The following GPD2 variants were observed in gnomAD, a reference collection of about 807,000 sequenced individuals.
GPD2 encodes glycerol-3-phosphate dehydrogenase, mitochondrial.
In GPD2, 54 loss-of-function variants were observed where a neutral mutation model predicts 82.4. That is an observed-to-expected ratio of 0.66 (90% CI 0.53 to 0.82). The LOEUF (loss-of-function observed/expected upper bound fraction) is 0.82, where lower values mean the gene tolerates loss of function less well. Among genes scored for constraint, GPD2 ranks in the 40% least tolerant of loss-of-function variants. GPD2 has a pLI of 0.00. For synonymous variants in GPD2, 288 were observed against 306.1 expected, an observed-to-expected ratio of 0.94 and a Z score of 0.62; for missense variants, 748 against 896.2, an observed-to-expected ratio of 0.83 and a Z score of 2.11.
chr2:156,452,481 G>C (rs1015975755), intron 1 of GPD2, among the ~76,000 whole-genome samples: 2 of 152,238 alleles, frequency 1.3e-5, no homozygotes, highest in Non-Finnish European at 2.9e-5. Context: ...GCAGTGAGCC[G>C]AGATGGCAGC....
At chr2:156,418,402 A>G in the GPD2 span, among the ~76,000 whole-genome samples, 2 of 151,702 alleles carry the variant, frequency 1.3e-5, no homozygotes, top group Non-Finnish European at 2.9e-5. Context: ...AAAAAGAAAA[A>G]AGAGAGAGAG....
chr2:156,447,242 C>G (rs1204021937), intron 1 of GPD2, among the ~76,000 whole-genome samples: 1 of 152,174 alleles, frequency 6.6e-6, no homozygotes, highest in East Asian at 1.9e-4. Context: ...GCTGTTCTTC[C>G]TTAAAGTACT....
chr2:156,455,134 G>A (rs1032328687), intron 1 of GPD2, among the ~76,000 whole-genome samples: 1 of 152,116 alleles, frequency 6.6e-6, no homozygotes, highest in African/African-American at 2.4e-5. Context: ...TGTCCCCTCT[G>A]TAATGACTGT....
chr2:156,403,114 CAAAAA>C, the GPD2 span, among the ~76,000 whole-genome samples: 10 of 67,870 alleles, frequency 1.5e-4, no homozygotes, highest in South Asian at 2.2e-3. Flanking sequence ...GCCCCTGTCT[CAAAAA>C]AAAAAAAAAA....
At position 156,553,484 on chromosome 2, in the gene GPD2, C is replaced by A. The variant is rs113385440; in HGVS notation, c.971+2738C>A. Among the ~76,000 whole-genome samples, 9 of 152,106 alleles carry A rather than the reference C, an allele frequency of 5.9e-5. 1 individual carries two copies. Among genetic ancestry groups the A allele is most frequent in the African/African-American group, 1.9e-4 (8 of 41,506 alleles). On this transcript the variant is annotated intron_variant, in intron 8 of 16. Transcript: ENST00000438166. ...ATTCTTCAACTTACTGCCCAGCTAA[C>A]CCCTGTAGACAAAAATAAATAAATA...
At chr2:156,545,321 C>G (rs1401294699) in intron 6 of GPD2, among the ~76,000 whole-genome samples, 2 of 152,168 alleles carry the variant, frequency 1.3e-5, no homozygotes, top group Admixed American at 1.3e-4. Context: ...CTGTGACACT[C>G]TCAGTCTGAG....
At chr2:156,439,472 C>T (rs2105134559) in intron 1 of GPD2, among the ~76,000 whole-genome samples, 1 of 127,740 alleles carries the variant, frequency 7.8e-6, no homozygotes, top group Admixed American at 9.5e-5. Context: ...GTCCCAGCTA[C>T]TTAGGAGGCC....
At chr2:156,421,672 G>A in the GPD2 span, among the ~76,000 whole-genome samples, 2 of 152,062 alleles carry the variant, frequency 1.3e-5, no homozygotes, top group African/African-American at 4.8e-5. Context: ...CCCAAAATAT[G>A]TCTTGCCTTA....
chr2:156,513,780 G>T (rs978932932), intron 6 of GPD2, among the ~76,000 whole-genome samples: 1 of 152,166 alleles, frequency 6.6e-6, no homozygotes, highest in South Asian at 2.1e-4. Flanking sequence ...TTATGAATTT[G>T]GTCCCCACCC....
At chr2:156,460,786 A>C (rs1682961907) in intron 1 of GPD2, among the ~76,000 whole-genome samples, 1 of 152,214 alleles carries the variant, frequency 6.6e-6, no homozygotes, top group Admixed American at 6.5e-5. Flanking sequence ...ACTGAGTGAG[A>C]TGAACAGTCT....
chr2:156,558,147 G>A (rs1687030566), intron 9 of GPD2, among the ~76,000 whole-genome samples: 1 of 152,080 alleles, frequency 6.6e-6, no homozygotes, highest in South Asian at 2.1e-4. Context: ...CATTTTCCTT[G>A]GTGATTTATA....
At position 156,496,216 on chromosome 2, in the gene GPD2, G is replaced by A; in HGVS notation, c.274+1G>A. 2 of 1,600,084 alleles carry A rather than the reference G, an allele frequency of 1.2e-6. No homozygotes were observed. The highest frequency in any genetic ancestry group is 1.7e-6 in the Non-Finnish European group (2 of 1,168,066). ...TGTGCGCTAGATGCTGTCACCAGAG[G>A]TAAGTCTTTTTTTTTTTTATTTTAA... On this transcript the variant is annotated splice_donor_variant, in intron 3 of 16. Coordinates refer to ENST00000438166, the MANE Select transcript of GPD2 (RefSeq NM_000408.5). LOFTEE classifies it high-confidence loss of function.
chr2:156,404,311 G>A, the GPD2 span, among the ~76,000 whole-genome samples: 2 of 152,108 alleles, frequency 1.3e-5, no homozygotes, highest in African/African-American at 4.8e-5. Context: ...TTGAGCCTGG[G>A]AGTTTGAGGC....
At chr2:156,562,690 C>T (rs1455220531) in intron 9 of GPD2, among the ~76,000 whole-genome samples, 1 of 152,104 alleles carries the variant, frequency 6.6e-6, no homozygotes, top group South Asian at 2.1e-4. Context: ...TTAAAACAAA[C>T]ACTTATCTTG....
intron 6 of GPD2, among the ~76,000 whole-genome samples, chr2:156,535,835 C>T (rs548551409): frequency 2.0e-5 from 3 of 152,088 alleles, no homozygotes; most frequent in Non-Finnish European, 2.9e-5. Flanking sequence ...AGATATAAAC[C>T]CTCTGGGGAG....
Position 156,583,459 on chromosome 2 carries a change from C to T in GPD2, c.*541C>T, listed in dbSNP as rs1688104151. 1 of 166,684 alleles carries T rather than the reference C, an allele frequency of 6.0e-6. No homozygotes were observed. The highest frequency in any genetic ancestry group is 2.4e-5 in the African/African-American group (1 of 41,516). The allele number at this position is 166,684 out of a possible 1,614,324, so 10.3% of individuals were successfully genotyped here. A position where few individuals can be genotyped will look rare whatever the true frequency, so the allele number is the denominator to read the frequency against. On this transcript the variant is annotated 3_prime_UTR_variant, in exon 17 of 17. Transcript: ENST00000438166. Reference sequence around the variant, plus strand: ...CCCCATCTTCCTCCAGCTTGTCTACCTTCCTCATGCAAACAATATTCCACA... The same window carrying T: ...CCCCATCTTCCTCCAGCTTGTCTACTTTCCTCATGCAAACAATATTCCACA...
intron 2 of GPD2, among the ~76,000 whole-genome samples, chr2:156,479,520 TA>T (rs1460893129): frequency 6.6e-6 from 1 of 152,230 alleles, no homozygotes; most frequent in Non-Finnish European, 1.5e-5. Flanking sequence ...TTATTATTTT[TA>T]TTTTCTAAGG....
At chr2:156,520,560 GTTATTTATTTATTTATTTATTTAT>G (rs148048031) in intron 6 of GPD2, among the ~76,000 whole-genome samples, 2 of 144,020 alleles carry the variant, frequency 1.4e-5, no homozygotes, top group African/African-American at 5.1e-5. Context: ...TATTTTTATT[GTTATTTATTTATTTATTTATTTAT>G]TTATTTATTT....
At chr2:156,479,242 G>A (rs188099759) in intron 2 of GPD2, among the ~76,000 whole-genome samples, 80 of 152,270 alleles carry the variant, frequency 5.3e-4, no homozygotes, top group Non-Finnish European at 7.8e-4. Context: ...TTAAACATAA[G>A]ACAGATTGAA....
Sources: allele counts gnomAD v4.1 joint callset (sites outside exome capture counted in the v4.1 genomes callset), GRCh38; gene constraint gnomAD v4.1.1; transcripts MANE v1.5; gene names NCBI Gene and HGNC (gene_info 2026-07-23, HGNC 2026-07-21).